SUFU: variants seen among roughly 807,000 people sequenced by gnomAD.
SUFU encodes the protein suppressor of fused homolog.
In SUFU, 7 loss-of-function variants were observed where a neutral mutation model predicts 58.9. The ratio of observed to expected loss-of-function variants is 0.12; its 90% CI spans 0.07 to 0.22. The LOEUF (loss-of-function observed/expected upper bound fraction) is 0.22. SUFU is among the 10% of genes least tolerant of loss of function. SUFU has a pLI of 1.00. For synonymous variants in SUFU, 232 were observed against 254.8 expected, an observed-to-expected ratio of 0.91 and a Z score of 0.85; for missense variants, 451 against 641.3, an observed-to-expected ratio of 0.70 and a Z score of 3.20.
At chr10:102,602,432 G>A (rs977739844) in intron 8 of SUFU, among the ~76,000 whole-genome samples, 3 of 152,148 alleles carry the variant, frequency 2.0e-5, no homozygotes, top group African/African-American at 7.2e-5. Flanking sequence ...ATGGCACCAA[G>A]GACAAGGCCA....
chr10:102,550,811 G>A (rs1442624276), intron 3 of SUFU, among the ~76,000 whole-genome samples: 3 of 148,616 alleles, frequency 2.0e-5, no homozygotes, highest in African/African-American at 2.5e-5. Context: ...GCGCAATCTC[G>A]ACTCACTGCA....
chr10:102,509,416 A>G, intron 2 of SUFU, 113 bp downstream of exon 2: 1 of 1,460,374 alleles, frequency 6.8e-7, no homozygotes, highest in Non-Finnish European at 9.5e-7. Context: ...GAACCTCTGC[A>G]TTTCTGCCCT....
At chr10:102,596,271 G>A (rs1353687379) in intron 6 of SUFU, among the ~76,000 whole-genome samples, 1 of 152,232 alleles carries the variant, frequency 6.6e-6, no homozygotes, top group African/African-American at 2.4e-5. Context: ...TTATTGTTGA[G>A]ATGCTCAGTC....
intron 2 of SUFU, among the ~76,000 whole-genome samples, chr10:102,539,430 TTTGA>T (rs2062775285): frequency 1.4e-5 from 2 of 140,718 alleles, no homozygotes; most frequent in Admixed American, 6.9e-5. Context: ...GTCTAATTAC[TTTGA>T]TTGTTTGGTT....
At chr10:102,512,171 A>G (rs777725575) in intron 2 of SUFU, among the ~76,000 whole-genome samples, 1 of 152,150 alleles carries the variant, frequency 6.6e-6, no homozygotes. Flanking sequence ...CAGCCTTCCA[A>G]ATGGATTCAT....
chr10:102,545,900 G>A (rs533738147), intron 2 of SUFU, among the ~76,000 whole-genome samples: 13 of 152,322 alleles, frequency 8.5e-5, no homozygotes, highest in Non-Finnish European at 1.8e-4. Context: ...CTTGAGCCCA[G>A]GAGGCAGAGG....
chr10:102,509,021 A>G, intron 1 of SUFU, 148 bp from the exon 2 acceptor site: 1 of 1,119,474 alleles, frequency 8.9e-7, no homozygotes, highest in Non-Finnish European at 1.3e-6. Context: ...CCTTAGTCTC[A>G]TTCTGGAGAG....
In SUFU at chr10:102,504,244, C is replaced by T. The variant is rs2135598089; in HGVS notation, c.92C>T (p.Pro31Leu). Residue 31 changes from proline (P) to leucine (L), a missense_variant, in exon 1 of 12, where the codon CCC becomes CTC. Pro to Leu is a moderately conservative substitution (Grantham distance 98, BLOSUM62 -3). Coordinates refer to ENST00000369902, the MANE Select transcript of SUFU (RefSeq NM_016169.4). ...TAPPAFASLF[P>L]PGLHAIYGEC... Reference sequence around the variant, plus strand: ...CCCCCGGCCTTCGCTTCGCTCTTTCCCCCGGGACTGCACGCCATCTACGGA... The same window carrying T: ...CCCCCGGCCTTCGCTTCGCTCTTTCTCCCGGGACTGCACGCCATCTACGGA... The T allele has an allele frequency of 1.2e-6, 2 of 1,613,762 alleles. No individual in the cohort carries two copies. The highest frequency in any genetic ancestry group is 1.7e-6 in the Non-Finnish European group (2 of 1,179,932).
At chr10:102,584,758 A>G (rs1013606998) in intron 3 of SUFU, among the ~76,000 whole-genome samples, 1 of 152,176 alleles carries the variant, frequency 6.6e-6, no homozygotes, top group African/African-American at 2.4e-5. Context: ...AGGCAAGTCA[A>G]TTTTAGGGGG....
chr10:102,523,149 G>A (rs566675765), intron 2 of SUFU, among the ~76,000 whole-genome samples: 1 of 152,144 alleles, frequency 6.6e-6, no homozygotes, highest in Non-Finnish European at 1.5e-5. Context: ...TGGACTCCAG[G>A]CCCCTAGCAT....
chr10:102,621,945 C>T (rs1185323470), intron 10 of SUFU, among the ~76,000 whole-genome samples: 1 of 152,216 alleles, frequency 6.6e-6, no homozygotes, highest in Non-Finnish European at 1.5e-5. Flanking sequence ...CTGGCTTGCC[C>T]AGGGCAGGCA....
At chr10:102,534,908 C>T (rs7896841) in intron 2 of SUFU, among the ~76,000 whole-genome samples, 46,328 of 151,946 alleles carry the variant, frequency 0.3, 7,350 homozygotes, top group Admixed American at 0.36. Flanking sequence ...CTGTTGGAGA[C>T]ATGCATGGGA....
chr10:102,589,236 G>A (rs6584515), intron 3 of SUFU, among the ~76,000 whole-genome samples: 151,990 of 152,246 alleles, frequency 1, 75,868 homozygotes, highest in East Asian at 1. Context: ...CCTTAGTTTT[G>A]TTTTTGGATT....
chr10:102,542,986 A>T (rs1445908692), intron 2 of SUFU, among the ~76,000 whole-genome samples: 1 of 152,196 alleles, frequency 6.6e-6, no homozygotes, highest in Non-Finnish European at 1.5e-5. Flanking sequence ...ATTCTTTCTT[A>T]CAGCAGCATT....
At chr10:102,571,500 A>G (rs1047690816) in intron 3 of SUFU, among the ~76,000 whole-genome samples, 2 of 95,760 alleles carry the variant, frequency 2.1e-5, no homozygotes, top group South Asian at 4.4e-4. Flanking sequence ...CCCTGTCTCT[A>G]CTAAAAAACA....
intron 3 of SUFU, chr10:102,573,119 T>C: frequency 3.9e-6 from 3 of 779,016 alleles, no homozygotes; most frequent in Middle Eastern, 2.6e-4. Context: ...CTTCTTTTTT[T>C]TGTGGCTGTG....
At chr10:102,612,233 A>G (rs186130839) in intron 8 of SUFU, among the ~76,000 whole-genome samples, 3 of 149,782 alleles carry the variant, frequency 2.0e-5, no homozygotes, top group East Asian at 4.0e-4. Context: ...GTGTGTGTGT[A>G]TAGCAGCCGC....
In SUFU at chr10:102,630,257, A is replaced by G. The variant is rs1157406178; in HGVS notation, c.*102A>G. 1.9e-6 allele frequency: 2 copies of G among 1,074,882 alleles called. No individual in the cohort carries two copies. Among genetic ancestry groups the G allele is most frequent in the Admixed American group, 1.8e-5 (1 of 55,116 alleles). 66.6% of individuals were successfully genotyped at this position (1,074,882 alleles called of 1,614,324 possible). On this transcript the variant is annotated 3_prime_UTR_variant, in exon 12 of 12. Transcript: ENST00000369902. ...CGAGATCTCCACAAATAAAAGGACA[A>G]GTGTGAGGAAGACTGCGCAGTGCCA...
chr10:102,621,996 C>T lies in SUFU; in HGVS notation c.1296+4568C>T, dbSNP rs576708322. 2.0e-5 allele frequency among the ~76,000 whole-genome samples: 3 copies of T among 152,328 alleles called. No homozygotes were observed. In the South Asian group the frequency reaches 6.2e-4, roughly 32 times the overall value. ...TTTTCGGGTTCCTTTCTGGAACTTGCTGGGGCCTGGGGAATTGGGAGGTTG... is the reference window on the plus strand; with the variant it reads ...TTTTCGGGTTCCTTTCTGGAACTTGTTGGGGCCTGGGGAATTGGGAGGTTG... On this transcript the variant is annotated intron_variant, in intron 10 of 11. Transcript: ENST00000369902.
Sources: allele counts gnomAD v4.1 joint callset (sites outside exome capture counted in the v4.1 genomes callset), GRCh38; gene constraint gnomAD v4.1.1; transcripts MANE v1.5; gene names NCBI Gene and HGNC (gene_info 2026-07-23, HGNC 2026-07-21).